The following MME variants were observed in gnomAD, a reference collection of about 807,000 sequenced individuals.
MME encodes neprilysin.
A neutral mutation model predicts 113.2 loss-of-function variants in MME; 98 were observed. The observed-to-expected ratio is 0.87, with a 90% CI of 0.74 to 1.02. The LOEUF (loss-of-function observed/expected upper bound fraction) is 1.02. MME is among the 50% of genes least tolerant of loss of function. The pLI is 0.00. For missense variants in MME, 836 were observed against 896.0 expected (o/e 0.93, Z 0.86); for synonymous variants, 292 against 300.6 (o/e 0.97, Z 0.30).
At chr3:155,073,474 C>T (rs1559900230) in intron 1 of MME, among the ~76,000 whole-genome samples, 1 of 152,080 alleles carries the variant, frequency 6.6e-6, no homozygotes, top group Non-Finnish European at 1.5e-5. Flanking sequence ...TTGTGCACCA[C>T]ATTAATTTGC....
At chr3:155,057,604 G>A (rs1713978560) in intron 1 of MME, among the ~76,000 whole-genome samples, 1 of 151,964 alleles carries the variant, frequency 6.6e-6, no homozygotes, top group Non-Finnish European at 1.5e-5. Context: ...CCAGCCTCTG[G>A]TGCATTGGTA....
At chr3:155,130,379 G>T (rs983246801) in intron 8 of MME, among the ~76,000 whole-genome samples, 6 of 152,154 alleles carry the variant, frequency 3.9e-5, no homozygotes, top group African/African-American at 1.4e-4. Flanking sequence ...AAACCACTCA[G>T]GCTAGAGTTT....
chr3:155,183,415 A>G lies in MME; in HGVS notation c.*2956A>G, dbSNP rs2108399472. The G allele has an allele frequency of 6.6e-6, 1 of 152,318 alleles. No individual in the cohort carries two copies. Among genetic ancestry groups the G allele is most frequent in the South Asian group, 2.1e-4 (1 of 4,830 alleles). The allele number at this position is 152,318 out of a possible 1,614,324, so 9.4% of individuals were successfully genotyped here. A position where few individuals can be genotyped will look rare whatever the true frequency, so the allele number is the denominator to read the frequency against. On this transcript the variant is annotated 3_prime_UTR_variant, in exon 23 of 23. Transcript: ENST00000360490. ...CAGGATAAACTGAAAACTCCCATTT[A>G]CGTGTCTGAATCGAGTGAGACAAAA...
At position 155,173,735 on chromosome 3, in the gene MME, C is replaced by A. The variant is rs1369586952; in HGVS notation, c.2153+1123C>A. 2.6e-5 allele frequency among the ~76,000 whole-genome samples: 4 copies of A among 151,908 alleles called. No individual in the cohort carries two copies. In the East Asian group the frequency reaches 7.7e-4, roughly 29 times the overall value. On this transcript the variant is annotated intron_variant, in intron 22 of 22. Coordinates refer to ENST00000360490, the MANE Select transcript of MME (RefSeq NM_007289.4). ...AATTAACTGCTTTATAGGTAATGAG[C>A]AACAAAAGTGACTGGATTAATTCCC...
upstream of MME, among the ~76,000 whole-genome samples, chr3:155,077,284 A>G (rs1318932274): frequency 1.3e-5 from 2 of 152,222 alleles, no homozygotes; most frequent in Non-Finnish European, 2.9e-5. Flanking sequence ...AGTGGTTTTT[A>G]AGGATCCATT....
chr3:155,046,450 G>A (rs1713562929), intron 1 of MME, among the ~76,000 whole-genome samples: 1 of 152,186 alleles, frequency 6.6e-6, no homozygotes. Context: ...CACTTTGGGA[G>A]GCCAAGGTGG....
At chr3:155,180,083 A>G (rs1367358828) in intron 22 of MME, among the ~76,000 whole-genome samples, 1 of 152,186 alleles carries the variant, frequency 6.6e-6, no homozygotes, top group Non-Finnish European at 1.5e-5. Flanking sequence ...TGCATGTTCT[A>G]TTGTGCAGAA....
At chr3:155,148,711 T>G in intron 16 of MME, 58 bp downstream of exon 16, 1 of 1,282,682 alleles carries the variant, frequency 7.8e-7, no homozygotes, top group South Asian at 1.2e-5. Context: ...CCCTCCTTTC[T>G]TTGTTGGATT....
chr3:155,118,583 T>C (rs1235700120), intron 7 of MME, among the ~76,000 whole-genome samples, 163 bp from the exon 8 acceptor site: 1 of 152,216 alleles, frequency 6.6e-6, no homozygotes, highest in Non-Finnish European at 1.5e-5. Flanking sequence ...TTACAAGTAG[T>C]GTAGAAAGCA....
At chr3:155,091,268 A>G (rs1299150670) in intron 3 of MME, among the ~76,000 whole-genome samples, 1 of 152,222 alleles carries the variant, frequency 6.6e-6, no homozygotes, top group Non-Finnish European at 1.5e-5. Flanking sequence ...CAAAATTAGC[A>G]TCTGTCAATC....
chr3:155,180,369 G>T lies in MME; in HGVS notation c.2163G>T (p.Gly721=). The T allele has an allele frequency of 6.2e-7, 1 of 1,613,076 alleles. No individual in the cohort carries two copies. Among genetic ancestry groups the T allele is most frequent in the South Asian group, 1.1e-5 (1 of 91,056 alleles). ...VHSPGNFRII[G]TLQNSAEFSE... ...TTTGTTTGTTTCAAAGGATTATTGG[G>T]ACTTTGCAGAACTCTGCAGAGTTTT... The change falls in exon 23 of 23, where the codon GGG becomes GGT. Residue 721 remains glycine, a synonymous_variant. Transcript: ENST00000360490.
rs1170321638 is a variant in MME, at chr3:155,172,213, G to A, written c.2076+1G>A. 1 of 1,587,488 alleles carries A rather than the reference G, an allele frequency of 6.3e-7. No homozygotes were observed. Among genetic ancestry groups the A allele is most frequent in the Non-Finnish European group, 8.6e-7 (1 of 1,156,166 alleles). ...ACTATTTTTCTTGAACTTTGCACAGGTATTGTGTCTTTCTTGATTGATAGA... is the reference window on the plus strand; with the variant it reads ...ACTATTTTTCTTGAACTTTGCACAGATATTGTGTCTTTCTTGATTGATAGA... On this transcript the variant is annotated splice_donor_variant, in intron 21 of 22. Transcript: ENST00000360490. LOFTEE classifies it high-confidence loss of function.
chr3:155,109,852 A>G (rs1454791470), intron 3 of MME, among the ~76,000 whole-genome samples: 2 of 152,224 alleles, frequency 1.3e-5, no homozygotes, highest in African/African-American at 4.8e-5. Context: ...CCATTTTCCA[A>G]TGTGCTCCAA....
intron 7 of MME, 101 bp downstream of exon 7, chr3:155,117,087 T>A (rs1718687477): frequency 1.3e-6 from 1 of 774,466 alleles, no homozygotes; most frequent in African/African-American, 1.7e-5. Flanking sequence ...TATTTTCAAT[T>A]GAATTGAATA....
intron 1 of MME, among the ~76,000 whole-genome samples, chr3:155,062,803 C>T (rs570713819): frequency 6.8e-4 from 103 of 151,696 alleles, no homozygotes; most frequent in Middle Eastern, 3.4e-3. Context: ...ACCTGTTATC[C>T]GAGGCCCACG....
At chr3:155,083,235 T>A (rs1715325012) in intron 1 of MME, among the ~76,000 whole-genome samples, 1 of 152,218 alleles carries the variant, frequency 6.6e-6, no homozygotes, top group Non-Finnish European at 1.5e-5. Context: ...TGACGAGTTG[T>A]GTAGTCTTGA....
chr3:155,080,967 G>C (rs1715090810), intron 1 of MME: 1 of 152,166 alleles, frequency 6.6e-6, no homozygotes, highest in African/African-American at 2.4e-5. Context: ...TTTGGTTGTA[G>C]AGCAGCACTA....
intron 1 of MME, among the ~76,000 whole-genome samples, chr3:155,062,887 T>C (rs1480276023): frequency 4.0e-5 from 6 of 151,016 alleles, no homozygotes; most frequent in African/African-American, 1.2e-4. Context: ...AATACAAAAA[T>C]TAGCTGGGCA....
intron 7 of MME, 82 bp from the exon 8 acceptor site, chr3:155,118,664 A>G (rs962645968): frequency 1.5e-5 from 13 of 890,990 alleles, no homozygotes; most frequent in Admixed American, 2.0e-5. Flanking sequence ...TCTTTCACAT[A>G]CATAGATAGA....
Sources: gnomAD v4.1 joint callset for allele counts (sites outside exome capture counted in the v4.1 genomes callset) on GRCh38, gnomAD v4.1.1 for gene constraint, MANE v1.5 for transcripts, NCBI Gene and HGNC (gene_info 2026-07-23, HGNC 2026-07-21) for gene names.